Variants in ZNF821 observed in about 807,000 individuals in gnomAD.
The protein encoded by ZNF821 is zinc finger protein 821.
A neutral mutation model predicts 44.3 loss-of-function variants in ZNF821; 16 were observed. The ratio of observed to expected loss-of-function variants is 0.36; its 90% CI spans 0.24 to 0.55. The LOEUF is 0.55. Among genes scored for constraint, ZNF821 ranks in the 20% least tolerant of loss-of-function variants. ZNF821 has a pLI of 0.86. For synonymous variants in ZNF821, 204 were observed against 197.6 expected, an observed-to-expected ratio of 1.03 and a Z score of -0.27; for missense variants, 436 against 547.6, an observed-to-expected ratio of 0.80 and a Z score of 2.03.
In ZNF821 at chr16:71,860,843, A is replaced by T. The variant is rs2033775855; in HGVS notation, c.585-171T>A. Among the ~76,000 whole-genome samples the T allele has an allele frequency of 7.0e-6, 1 of 143,670 alleles. No homozygotes were observed. Among genetic ancestry groups the T allele is most frequent in the Non-Finnish European group, 1.5e-5 (1 of 66,678 alleles). The allele number at this position is 143,670 out of a possible 152,430, so 94.3% of individuals were successfully genotyped here. On this transcript the variant is annotated intron_variant, in intron 7 of 7. Transcript: ENST00000425432. This position sits in a 1 kb window ranked among gnomAD's most constrained non-coding sequence, Gnocchi z 7.3. ...GCTCCATCCCTTCTCTTCGCGTGAG[A>T]GTTGTCTACCAACTTTTTTTTTTTT... is the stretch of plus-strand genomic sequence containing the variant.
intron 3 of ZNF821, among the ~76,000 whole-genome samples, chr16:71,878,113 CTT>C (rs59096817): frequency 2.5e-3 from 307 of 121,718 alleles, no homozygotes; most frequent in African/African-American, 5.4e-3. Context: ...AACTATTTGT[CTT>C]TTTTTTTTTT....
At chr16:71,862,875 T>C (rs767999384) in intron 6 of ZNF821, among the ~76,000 whole-genome samples, 21 of 152,168 alleles carry the variant, frequency 1.4e-4, no homozygotes, top group Non-Finnish European at 2.1e-4. Context: ...CACACTAATT[T>C]TTAACATACC....
At chr16:71,871,917 C>T (rs2035240999) in intron 3 of ZNF821, among the ~76,000 whole-genome samples, 2 of 152,012 alleles carry the variant, frequency 1.3e-5, no homozygotes, top group African/African-American at 4.8e-5. Context: ...CTGCCACCTC[C>T]GCCTCCTGAG....
chr16:71,893,706 G>A (rs1025927161), intron 1 of ZNF821, among the ~76,000 whole-genome samples: 7 of 151,554 alleles, frequency 4.6e-5, no homozygotes, highest in Admixed American at 1.3e-4. Flanking sequence ...TGATCCACCC[G>A]CCTCGGCCAC....
At chr16:71,869,355 T>C (rs1463882085) in intron 3 of ZNF821, among the ~76,000 whole-genome samples, 2 of 152,184 alleles carry the variant, frequency 1.3e-5, no homozygotes, top group Non-Finnish European at 2.9e-5. Flanking sequence ...CTCCTAGACC[T>C]TGGGCAGTGA....
chr16:71,883,456 CG>C (rs2142489193), intron 1 of ZNF821, 183 bp from the exon 2 acceptor site: 1 of 336,344 alleles, frequency 3.0e-6, no homozygotes, highest in South Asian at 2.3e-5. Context: ...GGAGGTCTTC[CG>C]AGGCGGCTCA....
chr16:71,878,105 C>T (rs1008651360), intron 3 of ZNF821, among the ~76,000 whole-genome samples: 4 of 128,428 alleles, frequency 3.1e-5, no homozygotes, highest in Non-Finnish European at 6.4e-5. Context: ...TAATAGGGAA[C>T]TATTTGTCTT....
At chr16:71,877,891 G>T (rs1387243399) in intron 3 of ZNF821, among the ~76,000 whole-genome samples, 1 of 149,798 alleles carries the variant, frequency 6.7e-6, no homozygotes, top group Admixed American at 6.7e-5. Context: ...CTGCACTCCA[G>T]CCTGGGCAAC....
upstream of ZNF821, chr16:71,885,360 C>T (rs2036809438): frequency 6.6e-6 from 1 of 152,294 alleles, no homozygotes; most frequent in Non-Finnish European, 1.5e-5. Flanking sequence ...TGCCACCCAC[C>T]AGCCTGTTGA....
At chr16:71,894,571 G>A (rs2036927118) in intron 1 of ZNF821, 1 of 375,208 alleles carries the variant, frequency 2.7e-6, no homozygotes, top group Admixed American at 4.5e-5. Flanking sequence ...TGTAGCCTAG[G>A]CTGGAGTGCT....
intron 6 of ZNF821, among the ~76,000 whole-genome samples, chr16:71,863,737 A>G (rs1393037025): frequency 6.6e-6 from 1 of 151,860 alleles, no homozygotes; most frequent in African/African-American, 2.4e-5. Context: ...TAACTCTGTC[A>G]CCCAGGCTGG....
chr16:71,867,698 A>C (rs867297025), intron 4 of ZNF821, among the ~76,000 whole-genome samples: 6 of 151,778 alleles, frequency 4.0e-5, no homozygotes, highest in Admixed American at 6.6e-5. Flanking sequence ...AAAAAAAAAA[A>C]GTATATATAT....
intron 3 of ZNF821, among the ~76,000 whole-genome samples, chr16:71,876,103 T>C (rs777352498): frequency 3.3e-5 from 5 of 152,228 alleles, no homozygotes; most frequent in Admixed American, 6.5e-5. Flanking sequence ...ATGGCTTTTG[T>C]AGGTGAACAC....
chr16:71,878,252 T>C (rs2036057457), intron 3 of ZNF821, among the ~76,000 whole-genome samples: 2 of 151,454 alleles, frequency 1.3e-5, no homozygotes, highest in African/African-American at 4.8e-5. Context: ...GCTGGGATTA[T>C]AGGTGCCTGC....
chr16:71,895,010 G>A (rs576899991), exon 1 of ZNF821: 10 of 587,510 alleles, frequency 1.7e-5, no homozygotes, highest in Admixed American at 5.8e-5. Context: ...GCGGGGCGGG[G>A]GAACGCTTAG....
intron 3 of ZNF821, among the ~76,000 whole-genome samples, chr16:71,869,784 T>C (rs2034981733): frequency 6.6e-6 from 1 of 152,124 alleles, no homozygotes; most frequent in African/African-American, 2.4e-5. Context: ...ACTACAGGTG[T>C]GCACCATCAT....
At chr16:71,887,138 A>G (rs2036862180), upstream of ZNF821, among the ~76,000 whole-genome samples, 1 of 152,160 alleles carries the variant, frequency 6.6e-6, no homozygotes, top group Non-Finnish European at 1.5e-5. Flanking sequence ...GCATAATGCT[A>G]CTATGAACAT....
chr16:71,890,204 A>G (rs537133799), intron 1 of ZNF821, among the ~76,000 whole-genome samples: 41 of 152,204 alleles, frequency 2.7e-4, no homozygotes, highest in Admixed American at 7.9e-4. Flanking sequence ...GAAGATGTCC[A>G]GAGCAGTTCC....
At position 71,860,818 on chromosome 16, in the gene ZNF821, G is replaced by A; in HGVS notation, c.585-146C>T. ...GAATGCTTGGTGGACCTCTTCTGCT[G>A]CTCCATCCCTTCTCTTCGCGTGAGA... On this transcript the variant is annotated intron_variant, in intron 7 of 7. Transcript: ENST00000425432. The surrounding 1 kb of genome is among the most constrained non-coding windows in gnomAD (Gnocchi z 7.3). 1.4e-6 allele frequency: 1 copy of A among 727,980 alleles called. No homozygotes were observed. The highest frequency in any genetic ancestry group is 2.2e-6 in the Non-Finnish European group (1 of 458,264). 45.1% of individuals were successfully genotyped at this position (727,980 alleles called of 1,614,324 possible).
Sources: allele counts gnomAD v4.1 joint callset (sites outside exome capture counted in the v4.1 genomes callset), GRCh38; gene constraint gnomAD v4.1.1; non-coding constraint Gnocchi (gnomAD v3.1); transcripts MANE v1.5; gene names NCBI Gene and HGNC (gene_info 2026-07-23, HGNC 2026-07-21).